The following TRIP12 variants were observed in gnomAD, a reference collection of about 807,000 sequenced individuals.
TRIP12 encodes the protein thyroid hormone receptor interactor 12.
In TRIP12, 25 loss-of-function variants were observed where a neutral mutation model predicts 244.2. The ratio of observed to expected loss-of-function variants is 0.10; its 90% CI spans 0.07 to 0.14. TRIP12 has a LOEUF of 0.14. Ranked by LOEUF, TRIP12 falls within the 10% of genes least tolerant of loss-of-function variation. The pLI is 1.00. For synonymous variants in TRIP12, 905 were observed against 873.1 expected (o/e 1.04, Z -0.64); for missense variants, 1,677 against 2,486.4 (o/e 0.67, Z 6.92).
intron 1 of TRIP12, among the ~76,000 whole-genome samples, chr2:229,887,289 T>C (rs2154359152): frequency 6.6e-6 from 1 of 152,318 alleles, no homozygotes; most frequent in Non-Finnish European, 1.5e-5. Flanking sequence ...GTGGCTAACT[T>C]TGCCTTCACA....
intron 2 of TRIP12, among the ~76,000 whole-genome samples, chr2:229,868,465 A>C (rs1415253776): frequency 6.6e-6 from 1 of 152,164 alleles, no homozygotes; most frequent in Non-Finnish European, 1.5e-5. Context: ...AGCCTCCCAA[A>C]GTACTGACAT....
chr2:229,819,581 G>A (rs569706051), intron 8 of TRIP12, among the ~76,000 whole-genome samples: 1 of 152,244 alleles, frequency 6.6e-6, no homozygotes, highest in Non-Finnish European at 1.5e-5. Flanking sequence ...TAAAGTCTAT[G>A]AATGTGTTTC....
chr2:229,861,201 C>G (rs2060426630), intron 2 of TRIP12, among the ~76,000 whole-genome samples: 1 of 152,122 alleles, frequency 6.6e-6, no homozygotes, highest in Non-Finnish European at 1.5e-5. Flanking sequence ...AAAAAACATT[C>G]AAATAATTCC....
intron 1 of TRIP12, among the ~76,000 whole-genome samples, chr2:229,911,590 T>C (rs1271947359): frequency 6.6e-6 from 1 of 152,136 alleles, no homozygotes. Flanking sequence ...ATATTGAATG[T>C]CCCAACACAA....
chr2:229,880,169 A>C, intron 1 of TRIP12, 41 bp from the exon 2 acceptor site: 2 of 1,231,296 alleles, frequency 1.6e-6, no homozygotes, highest in Non-Finnish European at 2.3e-6. Context: ...CAGATGTACA[A>C]AATACAATAT....
chr2:229,887,811 C>T (rs1267695552), intron 1 of TRIP12, among the ~76,000 whole-genome samples: 1 of 151,176 alleles, frequency 6.6e-6, no homozygotes, highest in Non-Finnish European at 1.5e-5. Flanking sequence ...TCTGCAAGAG[C>T]ATCATATTTT....
rs183621993 is a variant in TRIP12, at chr2:229,871,284, C to A, written c.98+8698G>T. Among the ~76,000 whole-genome samples, 479 of 152,156 alleles carry A rather than the reference C, an allele frequency of 3.1e-3. 22 individuals are homozygous for A. The highest frequency in any genetic ancestry group is 0.029 in the Admixed American group (445 of 15,294). ...ATCCAAACATAAGTATGGTTTCTTC[C>A]CAATTTTCTTTGCAATATTAGAAAA... On this transcript the variant is annotated intron_variant, in intron 2 of 41. Coordinates refer to ENST00000675903, the MANE Select transcript of TRIP12 (RefSeq NM_001348323.3).
chr2:229,891,525 C>A (rs1315315061), intron 1 of TRIP12, among the ~76,000 whole-genome samples: 1 of 152,068 alleles, frequency 6.6e-6, no homozygotes, highest in East Asian at 1.9e-4. Flanking sequence ...CTGCTTGAGC[C>A]CAGGAAGTCA....
intron 1 of TRIP12, among the ~76,000 whole-genome samples, chr2:229,920,155 T>C (rs1307804644): frequency 1.3e-5 from 2 of 152,192 alleles, no homozygotes; most frequent in Non-Finnish European, 2.9e-5. Context: ...GTTCTGAGCG[T>C]CGTTTTACCC....
chr2:229,805,485 T>C (rs1288920005), intron 18 of TRIP12, among the ~76,000 whole-genome samples: 4 of 152,152 alleles, frequency 2.6e-5, no homozygotes, highest in Non-Finnish European at 5.9e-5. Flanking sequence ...GATAAAAATC[T>C]GTATGAGCAA....
At chr2:229,840,627 G>A (rs897703387) in intron 5 of TRIP12, among the ~76,000 whole-genome samples, 195 bp downstream of exon 5, 18 of 152,124 alleles carry the variant, frequency 1.2e-4, no homozygotes, top group South Asian at 4.2e-4. Flanking sequence ...ACCTGAACCC[G>A]GGAGGCGCAG....
chr2:229,775,769 A>C (rs1232734694), intron 37 of TRIP12, among the ~76,000 whole-genome samples: 4 of 151,806 alleles, frequency 2.6e-5, no homozygotes, highest in African/African-American at 9.7e-5. Context: ...AGCCAGGACA[A>C]CTTGCCCCCA....
intron 15 of TRIP12, among the ~76,000 whole-genome samples, chr2:229,809,770 C>A (rs754620209): frequency 8.5e-5 from 13 of 152,176 alleles, no homozygotes; most frequent in Admixed American, 3.3e-4. Context: ...TACGGAGAAT[C>A]TTTCCAAGTA....
intron 1 of TRIP12, among the ~76,000 whole-genome samples, chr2:229,909,460 G>C (rs987722139): frequency 5.9e-5 from 9 of 151,910 alleles, no homozygotes; most frequent in Non-Finnish European, 1.5e-5. Context: ...CAAGAGGTTA[G>C]GGTGAGAAGA....
Position 229,778,855 on chromosome 2 carries a change from T to G in TRIP12, c.5209+21A>C. 6.2e-7 allele frequency: 1 copy of G among 1,605,424 alleles called. No homozygotes were observed. Among genetic ancestry groups the G allele is most frequent in the South Asian group, 1.1e-5 (1 of 90,866 alleles). ...CCTGATCTGAGTAACACAAACCAACTAACTTACAGATAGGCATTACCTTTT... is the reference window on the plus strand; with the variant it reads ...CCTGATCTGAGTAACACAAACCAACGAACTTACAGATAGGCATTACCTTTT... On this transcript the variant is annotated intron_variant, in intron 35 of 41. Transcript: ENST00000675903. The surrounding 1 kb of genome is among the most constrained non-coding windows in gnomAD (Gnocchi z 4.1).
chr2:229,836,788 C>T (rs2054936741), intron 6 of TRIP12, 60 bp downstream of exon 6: 2 of 1,542,434 alleles, frequency 1.3e-6, no homozygotes, highest in East Asian at 2.5e-5. Context: ...TTCCCTCCCT[C>T]TGCCCATCAA....
intron 4 of TRIP12, among the ~76,000 whole-genome samples, chr2:229,848,574 G>T (rs749440478): frequency 6.6e-6 from 1 of 152,110 alleles, no homozygotes; most frequent in Non-Finnish European, 1.5e-5. Context: ...CAAACAGTAA[G>T]ATCAAGACCA....
At position 229,840,865 on chromosome 2, in the gene TRIP12, G is replaced by T. The variant is rs2056255401; in HGVS notation, c.1090C>A (p.Arg364=). ...CCCGTGGTCTTTTGGCGTGTGCTCC[G>T]CCTCAAACTGGGGAGCTCAGCAGGT... ...SPPAELPSLR[R]STRQKTTGSC... Residue 364 remains arginine (R), a synonymous_variant, in exon 5 of 42, where the codon CGG becomes AGG. Coordinates refer to ENST00000675903, the MANE Select transcript of TRIP12 (RefSeq NM_001348323.3). 2 of 1,609,446 alleles carry T rather than the reference G, an allele frequency of 1.2e-6. No homozygotes were observed. Among genetic ancestry groups the T allele is most frequent in the Non-Finnish European group, 1.7e-6 (2 of 1,178,776 alleles).
At chr2:229,810,823 A>G (rs767310459) in intron 15 of TRIP12, 57 bp downstream of exon 15, 10 of 1,560,390 alleles carry the variant, frequency 6.4e-6, no homozygotes, top group Non-Finnish European at 7.9e-6. Flanking sequence ...TTGACTTTAC[A>G]TATTAATGAA....
Sources: allele counts gnomAD v4.1 joint callset (sites outside exome capture counted in the v4.1 genomes callset), GRCh38; gene constraint gnomAD v4.1.1; non-coding constraint Gnocchi (gnomAD v3.1); transcripts MANE v1.5; gene names NCBI Gene and HGNC (gene_info 2026-07-23, HGNC 2026-07-21).